DST: variants seen among roughly 807,000 people sequenced by gnomAD.
DST encodes dystonin, also known as bullous pemphigoid antigen.
In DST, 253 loss-of-function variants were observed where a neutral mutation model predicts 875.2. That is an observed-to-expected ratio of 0.29 (90% CI 0.26 to 0.32). DST has a LOEUF of 0.32. DST is among the 10% of genes least tolerant of loss of function. DST has a pLI of 1.00. For synonymous variants in DST, 3,124 were observed against 3,197.1 expected (o/e 0.98, Z 0.77); for missense variants, 8,287 against 9,111.6 (o/e 0.91, Z 3.68).
chr6:56,771,042 T>G (rs947399708), intron 4 of DST, among the ~76,000 whole-genome samples: 1 of 150,844 alleles, frequency 6.6e-6, no homozygotes, highest in East Asian at 1.9e-4. Flanking sequence ...GCCTAAATTA[T>G]CAAGGAGTAA....
intron 69 of DST, among the ~76,000 whole-genome samples, chr6:56,522,393 G>C (rs4143827): frequency 0.66 from 100,649 of 152,044 alleles, 33,805 homozygotes; most frequent in Non-Finnish European, 0.7. Context: ...GGTTTTAATA[G>C]AGGTTTAAGG....
intron 31 of DST, 145 bp downstream of exon 31, chr6:56,630,095 TTAGAG>T (rs1221413288): frequency 2.9e-5 from 19 of 662,192 alleles, no homozygotes; most frequent in African/African-American, 2.3e-4. Flanking sequence ...CTGAACATAC[TTAGAG>T]TAAACTGTGA....
chr6:56,473,834 T>G, intron 93 of DST, 39 bp downstream of exon 93: 1 of 1,561,906 alleles, frequency 6.4e-7, no homozygotes, highest in African/African-American at 1.4e-5. Context: ...ATTAGCTCCC[T>G]TATTTATTGA....
chr6:56,801,841 C>G (rs1186842932), intron 4 of DST, among the ~76,000 whole-genome samples: 27 of 151,422 alleles, frequency 1.8e-4, no homozygotes, highest in Non-Finnish European at 8.8e-5. Flanking sequence ...CCTCCACCTC[C>G]CGGGTTCAAG....
chr6:56,634,042 T>C, intron 27 of DST, 90 bp downstream of exon 27: 1 of 1,479,606 alleles, frequency 6.8e-7, no homozygotes, highest in African/African-American at 1.4e-5. Context: ...GACTCCATCC[T>C]ATTCTAAAGC....
chr6:56,516,108 A>G (rs557108827), intron 71 of DST, among the ~76,000 whole-genome samples: 6 of 144,386 alleles, frequency 4.2e-5, no homozygotes, highest in South Asian at 2.2e-4. Flanking sequence ...GTGTGTGTGT[A>G]TATATATATA....
intron 64 of DST, 28 bp from the exon 65 acceptor site, chr6:56,530,161 G>T: frequency 6.6e-7 from 1 of 1,508,370 alleles, no homozygotes; most frequent in Non-Finnish European, 8.8e-7. Flanking sequence ...GGTCATTTAG[G>T]GATGAAGAAT....
At chr6:56,777,396 G>A (rs770162952) in intron 4 of DST, among the ~76,000 whole-genome samples, 1 of 152,036 alleles carries the variant, frequency 6.6e-6, no homozygotes, top group Admixed American at 6.6e-5. Flanking sequence ...CAAGTAGATG[G>A]TTTCCAAACA....
intron 4 of DST, among the ~76,000 whole-genome samples, chr6:56,737,452 G>A (rs1483914512): frequency 2.6e-5 from 4 of 152,308 alleles, no homozygotes; most frequent in South Asian, 2.1e-4. Context: ...ACCTATTTAA[G>A]TTTAAACCAA....
In DST at chr6:56,494,358, C is replaced by T. The variant is rs189228857; in HGVS notation, c.20224-178G>A. 2.6e-4 allele frequency among the ~76,000 whole-genome samples: 40 copies of T among 152,280 alleles called. No individual in the cohort carries two copies. In the East Asian group the frequency reaches 7.1e-3, roughly 27 times the overall value. ...TTGAAACAACAATTAAACCTACAGT[C>T]ATACCCTGTCTACTGGGAAATCTAA... On this transcript the variant is annotated intron_variant, in intron 82 of 103. Transcript: ENST00000680361.
chr6:56,557,709 G>A (rs2097450846), intron 58 of DST, among the ~76,000 whole-genome samples, 191 bp from the exon 59 acceptor site: 2 of 152,096 alleles, frequency 1.3e-5, no homozygotes, highest in East Asian at 1.9e-4. Context: ...GTCAACTAAA[G>A]TATAGGGAAA....
At chr6:56,504,343 T>C (rs1374587494) in intron 77 of DST, among the ~76,000 whole-genome samples, 1 of 152,264 alleles carries the variant, frequency 6.6e-6, no homozygotes, top group Admixed American at 6.5e-5. Context: ...AGATTCTTGA[T>C]ATATTATGAA....
intron 5 of DST, among the ~76,000 whole-genome samples, chr6:56,721,130 A>G (rs62412548): frequency 1.4e-5 from 2 of 145,822 alleles, no homozygotes; most frequent in Non-Finnish European, 3.0e-5. Flanking sequence ...CAGACAGGGC[A>G]GCTGCTGGGC....
chr6:56,824,010 C>CCCACGGTCTCCCTCTCCCTCTCTTT lies in DST; in HGVS notation c.625+27362_625+27386dup, dbSNP rs1190295413. Among the ~76,000 whole-genome samples, 5 of 152,202 alleles carry CCCACGGTCTCCCTCTCCCTCTCTTT rather than the reference C, an allele frequency of 3.3e-5. No individual in the cohort carries two copies. The South Asian group carries it at 8.3e-4, about 25-fold the overall frequency. ...TCCTCTGCCTCTGCCTCTGCCTCTC[C>CCCACGGTCTCCCTCTCCCTCTCTTT]CCACGGTCTCCCTCTCCCTCTCTTT... On this transcript the variant is annotated intron_variant, in intron 4 of 103. Coordinates refer to ENST00000680361, the MANE Select transcript of DST (RefSeq NM_001374736.1).
Position 56,604,869 on chromosome 6 carries a change from G to A in DST, c.9759C>T (p.Ile3253=), listed in dbSNP as rs776551960. 6.2e-7 allele frequency: 1 copy of A among 1,612,586 alleles called. No homozygotes were observed. Among genetic ancestry groups the A allele is most frequent in the Middle Eastern group, 1.6e-4 (1 of 6,062 alleles). ...QSNDLCSKES[I]SGGGTEISQF... ...GAGAAATTTCTGTTCCTCCTCCTGA[G>A]ATGCTTTCTTTACTACAAAGATCAT... is the stretch of plus-strand genomic sequence containing the variant. The change falls in exon 40 of 104, where the codon ATC becomes ATT. Residue 3253 remains isoleucine, a synonymous_variant. Transcript: ENST00000680361.
chr6:56,465,867 T>TAAAAAAAAAAAAA (rs11359681), intron 99 of DST, among the ~76,000 whole-genome samples: 19 of 112,340 alleles, frequency 1.7e-4, no homozygotes, highest in South Asian at 2.8e-4. Flanking sequence ...CCAGAAAAAG[T>TAAAAAAAAAAAAA]AAAAAAAAAA....
At chr6:56,755,561 C>T (rs998542375) in intron 4 of DST, among the ~76,000 whole-genome samples, 6 of 152,088 alleles carry the variant, frequency 3.9e-5, no homozygotes, top group South Asian at 2.1e-4. Flanking sequence ...TCACTGATCT[C>T]GTAATCAAGG....
At chr6:56,847,066 C>T (rs1226339274) in intron 4 of DST, among the ~76,000 whole-genome samples, 1 of 150,810 alleles carries the variant, frequency 6.6e-6, no homozygotes, top group Non-Finnish European at 1.5e-5. Flanking sequence ...CCTATAATCC[C>T]AACACTTTGG....
At chr6:56,755,867 A>C (rs113658222) in intron 4 of DST, among the ~76,000 whole-genome samples, 2,013 of 152,274 alleles carry the variant, frequency 0.013, 41 homozygotes, top group African/African-American at 0.046. Context: ...TAGCCATACT[A>C]TTGCCTGGAA....
Sources: gnomAD v4.1 joint callset for allele counts (sites outside exome capture counted in the v4.1 genomes callset) on GRCh38, gnomAD v4.1.1 for gene constraint, MANE v1.5 for transcripts, NCBI Gene and HGNC (gene_info 2026-07-23, HGNC 2026-07-21) for gene names.